Variants in GRIP1 observed in about 807,000 individuals in gnomAD.
The protein encoded by GRIP1 is glutamate receptor-interacting protein 1.
In GRIP1, 45 loss-of-function variants were observed where a neutral mutation model predicts 129.9. That is an observed-to-expected ratio of 0.35 (90% CI 0.27 to 0.44). GRIP1 has a LOEUF of 0.44. Ranked by LOEUF, GRIP1 falls within the 20% of genes least tolerant of loss-of-function variation. GRIP1 has a pLI of 1.00. For missense variants in GRIP1, 1,196 were observed against 1,396.8 expected, an observed-to-expected ratio of 0.86 and a Z score of 2.29; for synonymous variants, 530 against 520.8, an observed-to-expected ratio of 1.02 and a Z score of -0.24.
intron 1 of GRIP1, among the ~76,000 whole-genome samples, chr12:67,052,611 T>A (rs966458708): frequency 2.0e-5 from 3 of 151,994 alleles, no homozygotes; most frequent in Admixed American, 1.3e-4. Context: ...TACAAAAAAA[T>A]TAGCCGGGTG....
At chr12:66,719,527 A>C (rs1215698125) in intron 1 of GRIP1, among the ~76,000 whole-genome samples, 3 of 152,174 alleles carry the variant, frequency 2.0e-5, no homozygotes, top group Non-Finnish European at 4.4e-5. Flanking sequence ...TTTCAATCCA[A>C]ATAAACAAGA....
rs1371366517 is a variant in GRIP1 at position 66,814,068 on chromosome 12, T to C, written c.59-217141A>G. Among the ~76,000 whole-genome samples the C allele has an allele frequency of 2.6e-5, 4 of 152,170 alleles. No homozygotes were observed. In the East Asian group the frequency reaches 5.8e-4, roughly 22 times the overall value. On this transcript the variant is annotated intron_variant, in intron 1 of 1. Transcript: ENST00000643019. The stretch of plus-strand genomic sequence containing the variant: ...GGTTTAAGGGTTGTGCCTTAAACTA[T>C]TGTCTATATTATGTGTATATACTTT...
At chr12:66,705,478 G>T (rs538520613) in intron 1 of GRIP1, among the ~76,000 whole-genome samples, 83 of 152,190 alleles carry the variant, frequency 5.5e-4, no homozygotes, top group Admixed American at 9.8e-4. Flanking sequence ...TGGCCATACT[G>T]CCCAAAGCAA....
At chr12:66,501,260 T>TA (rs1565804273) in intron 7 of GRIP1, among the ~76,000 whole-genome samples, 1 of 152,182 alleles carries the variant, frequency 6.6e-6, no homozygotes, top group Admixed American at 6.5e-5. Flanking sequence ...AAATAATTCT[T>TA]AAAAAAATAA....
intron 2 of GRIP1, among the ~76,000 whole-genome samples, chr12:66,566,479 C>A (rs904562024): frequency 2.6e-5 from 4 of 152,110 alleles, no homozygotes; most frequent in Non-Finnish European, 5.9e-5. Context: ...CCCACTTGAC[C>A]GTGGTGGATA....
At position 66,445,356 on chromosome 12, in the gene GRIP1, T is replaced by C. The variant is rs1157834909; in HGVS notation, c.1507A>G (p.Ile503Val). Reference sequence around the variant, plus strand: ...GGGCTGTCAGCTTCGATATAGGAAATCAGAGGTGGAGAAGAGAGAGTTTCT... The same window carrying C: ...GGGCTGTCAGCTTCGATATAGGAAACCAGAGGTGGAGAAGAGAGAGTTTCT... ...ATETLSSPPL[I>V]SYIEADSPAE... The change falls in exon 12 of 25, where the codon ATT becomes GTT. Residue 503 changes from isoleucine to valine, a missense_variant. Ile to Val is a conservative substitution (Grantham distance 29, BLOSUM62 3). Transcript: ENST00000359742. 1.9e-6 allele frequency: 3 copies of C among 1,614,036 alleles called. No homozygotes were observed. The highest frequency in any genetic ancestry group is 1.3e-5 in the African/African-American group (1 of 74,916).
At chr12:66,730,289 T>C (rs1057202093) in intron 1 of GRIP1, among the ~76,000 whole-genome samples, 1 of 152,208 alleles carries the variant, frequency 6.6e-6, no homozygotes, top group Non-Finnish European at 1.5e-5. Flanking sequence ...ATTTCTACTA[T>C]AAAATAGTAT....
At chr12:66,492,439 A>G (rs1592424361) in intron 7 of GRIP1, among the ~76,000 whole-genome samples, 1 of 152,266 alleles carries the variant, frequency 6.6e-6, no homozygotes, top group East Asian at 1.9e-4. Context: ...ATGATTATGT[A>G]TGAAAATAAC....
At chr12:66,930,569 T>C (rs566043512) in intron 1 of GRIP1, among the ~76,000 whole-genome samples, 1 of 152,064 alleles carries the variant, frequency 6.6e-6, no homozygotes, top group South Asian at 2.1e-4. Flanking sequence ...ATAAACATAC[T>C]TGTGCATGTG....
intron 1 of GRIP1, among the ~76,000 whole-genome samples, chr12:66,968,560 T>A (rs189667448): frequency 2.2e-3 from 341 of 152,276 alleles, no homozygotes; most frequent in African/African-American, 7.3e-3. Context: ...GAGTTTGCAA[T>A]ATGCATTTTA....
chr12:66,933,194 G>A (rs2041428615), intron 1 of GRIP1, among the ~76,000 whole-genome samples: 1 of 152,128 alleles, frequency 6.6e-6, no homozygotes, highest in Non-Finnish European at 1.5e-5. Context: ...AACACAAACT[G>A]AGGCTGGCAC....
chr12:66,576,468 C>A (rs981145261), intron 2 of GRIP1, among the ~76,000 whole-genome samples: 6 of 152,188 alleles, frequency 3.9e-5, no homozygotes, highest in Non-Finnish European at 7.3e-5. Flanking sequence ...GGAATAGAGA[C>A]TATTTCATCA....
intron 20 of GRIP1, 62 bp downstream of exon 20, chr12:66,379,218 A>G (rs2055976155): frequency 6.6e-7 from 1 of 1,518,700 alleles, no homozygotes; most frequent in African/African-American, 1.4e-5. Context: ...ACAGAAGTTC[A>G]AATCTTGCCC....
chr12:66,556,477 T>C (rs2139359204), intron 2 of GRIP1, among the ~76,000 whole-genome samples: 1 of 152,070 alleles, frequency 6.6e-6, no homozygotes, highest in East Asian at 1.9e-4. Flanking sequence ...CAATAAGAAA[T>C]CATCTGAAGT....
At chr12:66,522,054 T>C (rs893446690) in intron 5 of GRIP1, among the ~76,000 whole-genome samples, 3 of 152,318 alleles carry the variant, frequency 2.0e-5, no homozygotes, top group Admixed American at 6.5e-5. Context: ...TGCCTGCCTC[T>C]GTAGGATCCA....
chr12:66,398,804 C>T (rs2056884288), intron 16 of GRIP1, among the ~76,000 whole-genome samples: 1 of 151,974 alleles, frequency 6.6e-6, no homozygotes, highest in Admixed American at 6.5e-5. Context: ...CAAGAACCAA[C>T]TTTTAAGAAC....
At chr12:66,445,272 G>A (rs759267819) in intron 12 of GRIP1, 50 bp downstream of exon 12, 2 of 1,419,916 alleles carry the variant, frequency 1.4e-6, no homozygotes, top group Non-Finnish European at 2.0e-6. Flanking sequence ...AAGATAGCAG[G>A]TACCAGAAAC....
At chr12:66,966,183 A>G (rs1171364607) in intron 1 of GRIP1, among the ~76,000 whole-genome samples, 1 of 152,214 alleles carries the variant, frequency 6.6e-6, no homozygotes, top group Non-Finnish European at 1.5e-5. Context: ...ACTGAGTAGC[A>G]TGAATACCAA....
intron 2 of GRIP1, among the ~76,000 whole-genome samples, chr12:66,588,777 T>A (rs745581877): frequency 6.6e-6 from 1 of 151,918 alleles, no homozygotes; most frequent in Non-Finnish European, 1.5e-5. Context: ...AAGACCAGCC[T>A]GGCCAACATA....
Sources: gnomAD v4.1 joint callset for allele counts (sites outside exome capture counted in the v4.1 genomes callset) on GRCh38, gnomAD v4.1.1 for gene constraint, MANE v1.5 for transcripts, NCBI Gene and HGNC (gene_info 2026-07-23, HGNC 2026-07-21) for gene names.